Variants in CHST10 observed in about 807,000 individuals in gnomAD.
CHST10 encodes HNK-1 sulfotransferase.
Under a neutral mutation model 34.7 loss-of-function variants are expected in CHST10, and 24 were observed. The observed-to-expected ratio is 0.69, with a 90% CI of 0.50 to 0.97. The LOEUF (loss-of-function observed/expected upper bound fraction) is 0.97. Ranked by LOEUF, CHST10 falls within the 50% of genes least tolerant of loss-of-function variation. The pLI is 0.00. For missense variants in CHST10, 402 were observed against 452.1 expected (o/e 0.89, Z 1.00); for synonymous variants, 161 against 169.3 (o/e 0.95, Z 0.38).
rs1048876257 is a variant in CHST10 at position 100,393,242 on chromosome 2, G to C, written c.*3C>G. ...AGATATTTGAATTCATAGGTCTTAT[G>C]CATTAGTTTAGCAAAAAGTCTGGTT... On this transcript the variant is annotated 3_prime_UTR_variant, in exon 7 of 7. Coordinates refer to ENST00000264249, the MANE Select transcript of CHST10 (RefSeq NM_004854.5). The C allele has an allele frequency of 6.2e-7, 1 of 1,613,892 alleles. No homozygotes were observed. The highest frequency in any genetic ancestry group is 8.5e-7 in the Non-Finnish European group (1 of 1,179,882).
intron 4 of CHST10, among the ~76,000 whole-genome samples, chr2:100,398,955 G>A (rs74883816): frequency 0.017 from 2,525 of 152,216 alleles, 20 homozygotes; most frequent in African/African-American, 0.03. Flanking sequence ...AAGTCCCCTT[G>A]CTGCTCACAC....
At position 100,393,232 on chromosome 2, in the gene CHST10, T is replaced by C. The variant is rs896963603; in HGVS notation, c.*13A>G. 2.1e-5 allele frequency: 34 copies of C among 1,612,380 alleles called. No individual in the cohort carries two copies. The highest frequency in any genetic ancestry group is 1.7e-4 in the Middle Eastern group (1 of 6,054). On this transcript the variant is annotated 3_prime_UTR_variant, in exon 7 of 7. Coordinates refer to ENST00000264249, the MANE Select transcript of CHST10 (RefSeq NM_004854.5). The stretch of plus-strand genomic sequence containing the variant: ...GGTCTAATAAAGATATTTGAATTCA[T>C]AGGTCTTATGCATTAGTTTAGCAAA...
intron 2 of CHST10, chr2:100,408,174 A>AAAAAAC (rs1371089336): frequency 6.6e-6 from 1 of 152,168 alleles, no homozygotes; most frequent in African/African-American, 2.4e-5. Context: ...TTATACTAAA[A>AAAAAAC]AAAAACAAAA....
At chr2:100,416,976 A>G in intron 1 of CHST10, 1 of 1,303,258 alleles carries the variant, frequency 7.7e-7, no homozygotes, top group Non-Finnish European at 1.0e-6. Context: ...CCCACCCCTG[A>G]CTCCCCTCGC....
chr2:100,399,166 C>A (rs183164129), intron 4 of CHST10, among the ~76,000 whole-genome samples: 2,516 of 151,510 alleles, frequency 0.017, 21 homozygotes, highest in African/African-American at 0.03. Context: ...TGCAGTGGCA[C>A]GATCTCAGCT....
intron 1 of CHST10, chr2:100,417,163 G>T: frequency 5.2e-6 from 4 of 770,684 alleles, no homozygotes; most frequent in African/African-American, 1.8e-5. Context: ...ACAGCATCCC[G>T]CACAAGGACG....
In CHST10 at chr2:100,395,614, C is replaced by T; in HGVS notation, c.428G>A (p.Gly143Glu). The change falls in exon 6 of 7, where the codon GGA becomes GAA. Residue 143 changes from glycine to glutamate, a missense_variant and splice_region_variant. Transcript: ENST00000264249. ...GATCTCCTCAATGGAAGAAAATGCTCCTGGGAAGTAAACGGAAAGGAAGGC... is the reference window on the plus strand; with the variant it reads ...GATCTCCTCAATGGAAGAAAATGCTTCTGGGAAGTAAACGGAAAGGAAGGC... ...QWKKVLIVLN[G>E]AFSSIEEIPE... 6.2e-7 allele frequency: 1 copy of T among 1,613,384 alleles called. No individual in the cohort carries two copies.
chr2:100,395,401 G>T (rs973736943), intron 6 of CHST10, 108 bp downstream of exon 6: 10 of 888,580 alleles, frequency 1.1e-5, no homozygotes, highest in Admixed American at 2.1e-5. Context: ...AGCCCTCTGT[G>T]GTCCTCCGAT....
At chr2:100,412,253 T>C (rs1675875397) in intron 2 of CHST10, among the ~76,000 whole-genome samples, 1 of 152,184 alleles carries the variant, frequency 6.6e-6, no homozygotes, top group Non-Finnish European at 1.5e-5. Flanking sequence ...CATCCCATCA[T>C]CTCTGGCTGT....
chr2:100,414,207 T>C (rs1435038568), intron 2 of CHST10, among the ~76,000 whole-genome samples: 2 of 152,120 alleles, frequency 1.3e-5, no homozygotes, highest in Admixed American at 1.3e-4. Flanking sequence ...AGAAGGCCAG[T>C]GTTCCTCATG....
At position 100,396,077 on chromosome 2, in the gene CHST10, T is replaced by C. The variant is rs187693717; in HGVS notation, c.428-463A>G. On this transcript the variant is annotated intron_variant, in intron 5 of 6. Coordinates refer to ENST00000264249, the MANE Select transcript of CHST10 (RefSeq NM_004854.5). The stretch of plus-strand genomic sequence containing the variant: ...GCAGCAGCTTCACAGCCCCATCCCA[T>C]AGACAGGCTAAGCTCTCCAAGCACC... Among the ~76,000 whole-genome samples the C allele has an allele frequency of 1.3e-3, 194 of 152,296 alleles. 2 individuals are homozygous for C. Among genetic ancestry groups the C allele is most frequent in the African/African-American group, 4.5e-3 (189 of 41,560 alleles).
intron 3 of CHST10, among the ~76,000 whole-genome samples, chr2:100,404,493 T>C (rs920613075): frequency 6.6e-6 from 1 of 152,174 alleles, no homozygotes; most frequent in Non-Finnish European, 1.5e-5. Flanking sequence ...ATAGGTTTTA[T>C]CTCCTAACAC....
chr2:100,417,325 G>C (rs1192571025), intron 1 of CHST10, 49 bp downstream of exon 1: 3 of 348,170 alleles, frequency 8.6e-6, no homozygotes, highest in Non-Finnish European at 1.7e-5. Context: ...GCGGCGGGGA[G>C]AGGGGCCCAG....
intron 5 of CHST10, among the ~76,000 whole-genome samples, chr2:100,397,107 T>A (rs1215587169): frequency 6.6e-6 from 1 of 152,166 alleles, no homozygotes; most frequent in East Asian, 1.9e-4. Flanking sequence ...CACCTACCCA[T>A]GGTGCCCCAA....
At chr2:100,409,858 A>G (rs897904877) in intron 2 of CHST10, among the ~76,000 whole-genome samples, 1 of 152,152 alleles carries the variant, frequency 6.6e-6, no homozygotes, top group African/African-American at 2.4e-5. Context: ...ACTCTTACTA[A>G]ACTAAGATAT....
rs1400944435 is a variant in CHST10, at chr2:100,398,133, T to A, written c.202A>T (p.Lys68Ter). The change falls in exon 5 of 7, where the codon AAG becomes TAG. Residue 68 changes from lysine (K) to a stop codon, truncating the protein, a stop_gained. Transcript: ENST00000264249. LOFTEE classifies it high-confidence loss of function. ...ACGAGCTGGCTGTCTGGAAGCTCCTTCCCAGTTGGCTGCAGGTGACACAGA... is the reference window on the plus strand; with the variant it reads ...ACGAGCTGGCTGTCTGGAAGCTCCTACCCAGTTGGCTGCAGGTGACACAGA... ...HIPEELKPTGKELPDSQLVQP... is the reference protein window; with the variant it reads ...HIPEELKPTG 3 of 1,610,974 alleles carry A rather than the reference T, an allele frequency of 1.9e-6. No individual in the cohort carries two copies. The African/African-American group carries it at 4.0e-5, about 22-fold the overall frequency.
At chr2:100,409,367 G>A (rs1675722096) in intron 2 of CHST10, among the ~76,000 whole-genome samples, 1 of 152,214 alleles carries the variant, frequency 6.6e-6, no homozygotes, top group African/African-American at 2.4e-5. Flanking sequence ...GAAGCCAGGT[G>A]GCCTAGGGAT....
intron 6 of CHST10, 23 bp downstream of exon 6, chr2:100,395,486 C>T (rs774147889): frequency 1.3e-6 from 2 of 1,596,226 alleles, no homozygotes; most frequent in Non-Finnish European, 1.7e-6. Flanking sequence ...CTCCCCCCTC[C>T]CCTTTGAGGA....
chr2:100,405,109 C>T (rs1675511344), intron 3 of CHST10, among the ~76,000 whole-genome samples: 1 of 152,210 alleles, frequency 6.6e-6, no homozygotes, highest in African/African-American at 2.4e-5. Context: ...TGGCATGGCA[C>T]TGTGCTGAAG....
Sources: allele counts gnomAD v4.1 joint callset (sites outside exome capture counted in the v4.1 genomes callset), GRCh38; gene constraint gnomAD v4.1.1; transcripts MANE v1.5; gene names NCBI Gene and HGNC (gene_info 2026-07-23, HGNC 2026-07-21).